Variants in HAUS6 observed in about 807,000 individuals in gnomAD.
The protein encoded by HAUS6 is HAUS augmin-like complex subunit 6.
A neutral mutation model predicts 106.8 loss-of-function variants in HAUS6; 80 were observed. That is an observed-to-expected ratio of 0.75 (90% CI 0.63 to 0.90). The LOEUF is 0.90. Ranked by LOEUF, HAUS6 falls within the 40% of genes least tolerant of loss-of-function variation. HAUS6 has a pLI of 0.00. For missense variants in HAUS6, 1,155 were observed against 1,118.1 expected (o/e 1.03, Z -0.47); for synonymous variants, 356 against 379.1 (o/e 0.94, Z 0.71).
intron 12 of HAUS6, chr9:19,063,891 G>C (rs912412517): frequency 2.2e-6 from 1 of 453,258 alleles, no homozygotes; most frequent in Non-Finnish European, 4.2e-6. Context: ...GTTAAAAACA[G>C]ATTCAATTAA....
intron 11 of HAUS6, among the ~76,000 whole-genome samples, chr9:19,073,555 CT>C (rs1836923493): frequency 6.6e-6 from 1 of 150,548 alleles, no homozygotes; most frequent in South Asian, 2.1e-4. Context: ...AAGGGGTAAA[CT>C]AATCCTGGCA....
At position 19,078,402 on chromosome 9, in the gene HAUS6, T is replaced by C. The variant is rs74627694; in HGVS notation, c.1065-100A>G. 4.9e-3 allele frequency: 3,409 copies of C among 694,492 alleles called. 139 individuals carry two copies. In the East Asian group the frequency reaches 0.084, roughly 17 times the overall value. 43.0% of individuals were successfully genotyped at this position (694,492 alleles called of 1,614,324 possible). A position where few individuals can be genotyped will look rare whatever the true frequency, so the allele number is the denominator to read the frequency against. ...ATAGTTGTAGAGAAGTGGAAGGAAA[T>C]AGAAGTGAAAGTTCAATCAATATAC... On this transcript the variant is annotated intron_variant, in intron 9 of 16. Transcript: ENST00000380502.
intron 7 of HAUS6, among the ~76,000 whole-genome samples, chr9:19,084,984 C>G (rs1360383512): frequency 6.6e-6 from 1 of 151,984 alleles, no homozygotes; most frequent in East Asian, 1.9e-4. Context: ...CTACAGTCCA[C>G]TGGCACAACC....
At chr9:19,083,948 A>T (rs1180067116) in intron 7 of HAUS6, among the ~76,000 whole-genome samples, 1 of 151,860 alleles carries the variant, frequency 6.6e-6, no homozygotes, top group Non-Finnish European at 1.5e-5. Flanking sequence ...TATTCATTAA[A>T]ATTGATATAC....
chr9:19,092,476 G>A (rs1345610455), intron 4 of HAUS6, among the ~76,000 whole-genome samples: 2 of 151,772 alleles, frequency 1.3e-5, no homozygotes, highest in African/African-American at 2.4e-5. Flanking sequence ...TTAGCCGGGT[G>A]TAGAAGTGCA....
At chr9:19,082,334 T>C (rs190540151) in intron 8 of HAUS6, among the ~76,000 whole-genome samples, 10 of 152,218 alleles carry the variant, frequency 6.6e-5, no homozygotes, top group Non-Finnish European at 1.5e-4. Context: ...AGAAACTTCA[T>C]ACTGTCTGTA....
chr9:19,085,962 A>G (rs969060906), intron 7 of HAUS6, among the ~76,000 whole-genome samples: 1 of 151,884 alleles, frequency 6.6e-6, no homozygotes, highest in Non-Finnish European at 1.5e-5. Flanking sequence ...CACTCTATCA[A>G]TATCTTTATA....
At chr9:19,066,115 T>C (rs1836755623) in intron 12 of HAUS6, among the ~76,000 whole-genome samples, 1 of 151,820 alleles carries the variant, frequency 6.6e-6, no homozygotes, top group Non-Finnish European at 1.5e-5. Flanking sequence ...TTTGTAGTTT[T>C]AATAGGGACA....
rs1266508333 is a variant in HAUS6 at position 19,094,165 on chromosome 9, A to G, written c.303+152T>C. On this transcript the variant is annotated intron_variant, in intron 3 of 16. Transcript: ENST00000380502. The stretch of plus-strand genomic sequence containing the variant: ...TTCGAAATATATAGAATCCCAACCA[A>G]AAACCATCAAAGAAGACTATTTTAA... 3.1e-5 allele frequency: 16 copies of G among 510,182 alleles called. No individual in the cohort carries two copies. In the East Asian group the frequency reaches 5.4e-4, roughly 17 times the overall value. 31.6% of individuals were successfully genotyped at this position (510,182 alleles called of 1,614,324 possible).
intron 4 of HAUS6, among the ~76,000 whole-genome samples, chr9:19,091,283 G>A (rs1371539837): frequency 6.7e-6 from 1 of 149,534 alleles, no homozygotes; most frequent in Admixed American, 6.8e-5. Flanking sequence ...TTGGGCAACA[G>A]AGTGAGACTT....
chr9:19,089,426 A>T lies in HAUS6; in HGVS notation c.570T>A (p.Tyr190Ter). 1 of 1,608,566 alleles carries T rather than the reference A, an allele frequency of 6.2e-7. No individual in the cohort carries two copies. The change falls in exon 5 of 17, where the codon TAT (tyrosine) becomes TAA (stop). Residue 190 changes from tyrosine (Y) to a stop codon, truncating the protein, a stop_gained. Transcript: ENST00000380502. LOFTEE classifies it high-confidence loss of function. ...LQRQDCVTQK[Y>*]QENAQLSVKQ... The stretch of plus-strand genomic sequence containing the variant: ...GTACTACTTACTGTGCATTTTCCTG[A>T]TATTTTTGGGTAACACAATCTTGTC...
chr9:19,094,984 C>G (rs1000400828), intron 2 of HAUS6, among the ~76,000 whole-genome samples: 4 of 151,896 alleles, frequency 2.6e-5, no homozygotes, highest in African/African-American at 9.7e-5. Context: ...CTAAAGACAA[C>G]AATCTCAATG....
intron 1 of HAUS6, 41 bp from the exon 2 acceptor site, chr9:19,096,810 G>C: frequency 1.1e-6 from 1 of 933,664 alleles, no homozygotes; most frequent in Non-Finnish European, 1.7e-6. Flanking sequence ...AAAGAAAAAG[G>C]TTAATAAGCT....
In HAUS6 at chr9:19,058,976, T is replaced by C. The variant is rs766459499; in HGVS notation, c.1791A>G (p.Arg597=). ...TGTTTTCTTCCATTTCAATAGCTTTTCTCCATGAGCTCCTAATTTCAGTTA... is the reference window on the plus strand; with the variant it reads ...TGTTTTCTTCCATTTCAATAGCTTTCCTCCATGAGCTCCTAATTTCAGTTA... The part of the protein sequence containing the change: ...NLITEIRSSW[R]KAIEMEENRT... The change falls in exon 16 of 17, where the codon AGA becomes AGG. Residue 597 remains arginine, a synonymous_variant. Transcript: ENST00000380502. 16 of 1,597,676 alleles carry C rather than the reference T, an allele frequency of 1.0e-5. No homozygotes were observed. The Admixed American group carries it at 2.5e-4, about 25-fold the overall frequency.
At chr9:19,101,628 T>C (rs1817988986) in intron 1 of HAUS6, among the ~76,000 whole-genome samples, 1 of 151,064 alleles carries the variant, frequency 6.6e-6, no homozygotes. Flanking sequence ...AATAATACTT[T>C]AAAAAAATAG....
intron 8 of HAUS6, among the ~76,000 whole-genome samples, chr9:19,082,303 T>C (rs1837168252): frequency 1.3e-5 from 2 of 152,236 alleles, no homozygotes; most frequent in Non-Finnish European, 2.9e-5. Context: ...AATGAACTAG[T>C]ACAGTATCAT....
intron 3 of HAUS6, 26 bp downstream of exon 3, chr9:19,094,291 T>A (rs778851170): frequency 7.4e-7 from 1 of 1,354,296 alleles, no homozygotes; most frequent in East Asian, 2.3e-5. Flanking sequence ...TTAAAGTCTG[T>A]ATCTTCTAAC....
At chr9:19,066,803 G>A (rs1440802811) in intron 12 of HAUS6, among the ~76,000 whole-genome samples, 1 of 148,078 alleles carries the variant, frequency 6.8e-6, no homozygotes, top group African/African-American at 2.5e-5. Context: ...AGACCAGCCT[G>A]GGCAACATAG....
chr9:19,074,434 G>A (rs549464425), intron 11 of HAUS6, among the ~76,000 whole-genome samples: 2 of 151,930 alleles, frequency 1.3e-5, no homozygotes, highest in African/African-American at 4.8e-5. Flanking sequence ...ACCAGGCCTG[G>A]CTAATTTTTC....
Sources: allele counts gnomAD v4.1 joint callset (sites outside exome capture counted in the v4.1 genomes callset), GRCh38; gene constraint gnomAD v4.1.1; transcripts MANE v1.5; gene names NCBI Gene and HGNC (gene_info 2026-07-23, HGNC 2026-07-21).